Variants in P3H2 observed in about 807,000 individuals in gnomAD.
The protein encoded by P3H2 is prolyl 3-hydroxylase 2, also known as leprecan-like 1.
P3H2 carries 80 observed loss-of-function variants against 87.0 expected under a neutral mutation model. That is an observed-to-expected ratio of 0.92 (90% CI 0.77 to 1.11). The LOEUF (loss-of-function observed/expected upper bound fraction) is 1.11. Ranked by LOEUF, P3H2 falls within the 50% of genes least tolerant of loss-of-function variation. The pLI, the probability that P3H2 is intolerant of heterozygous loss-of-function variation, is 0.00. For synonymous variants in P3H2, 367 were observed against 359.3 expected, an observed-to-expected ratio of 1.02 and a Z score of -0.24; for missense variants, 1,001 against 923.9, an observed-to-expected ratio of 1.08 and a Z score of -1.08.
chr3:190,023,105 T>C (rs553061934), intron 1 of P3H2, among the ~76,000 whole-genome samples: 13 of 152,056 alleles, frequency 8.5e-5, no homozygotes, highest in South Asian at 4.1e-4. Flanking sequence ...GGATTACAGG[T>C]GTGAGCCACC....
At chr3:190,022,294 A>G (rs1478652656) in intron 1 of P3H2, among the ~76,000 whole-genome samples, 4 of 135,576 alleles carry the variant, frequency 3.0e-5, no homozygotes, top group Non-Finnish European at 6.6e-5. Flanking sequence ...AAGAAGTAGT[A>G]GATTTGTAGT....
At chr3:190,066,143 G>GTGTATATATATATATATATA (rs58939026) in intron 1 of P3H2, among the ~76,000 whole-genome samples, 51 of 138,756 alleles carry the variant, frequency 3.7e-4, no homozygotes, top group African/African-American at 1.0e-3. Flanking sequence ...ACTGTGGTGT[G>GTGTATATATATATATATATA]TATATATATA....
At chr3:190,030,226 T>G (rs911042792) in intron 1 of P3H2, among the ~76,000 whole-genome samples, 2 of 151,968 alleles carry the variant, frequency 1.3e-5, no homozygotes, top group African/African-American at 4.8e-5. Flanking sequence ...CATAGCTACA[T>G]GAAAAAAATA....
intron 14 of P3H2, among the ~76,000 whole-genome samples, chr3:189,959,833 C>G (rs1250900519): frequency 6.7e-6 from 1 of 150,308 alleles, no homozygotes; most frequent in East Asian, 2.0e-4. Context: ...CTTCTGTATC[C>G]TGTAACTCTC....
chr3:189,966,114 AAAG>A (rs1178349878), intron 13 of P3H2, among the ~76,000 whole-genome samples: 18 of 107,586 alleles, frequency 1.7e-4, no homozygotes, highest in Non-Finnish European at 2.5e-4. Context: ...AAAAAGAAAG[AAAG>A]AAAGAAAAAG....
intron 8 of P3H2, among the ~76,000 whole-genome samples, chr3:189,980,073 A>C (rs1723483232): frequency 6.6e-6 from 1 of 152,212 alleles, no homozygotes; most frequent in African/African-American, 2.4e-5. Flanking sequence ...CATGGACTGA[A>C]GCCACTGTGG....
chr3:189,958,938 C>T (rs1177778893), intron 14 of P3H2, among the ~76,000 whole-genome samples: 1 of 151,992 alleles, frequency 6.6e-6, no homozygotes, highest in Non-Finnish European at 1.5e-5. Flanking sequence ...ATCCACCCGC[C>T]TCGCCCTCCC....
intron 1 of P3H2, among the ~76,000 whole-genome samples, chr3:190,003,877 C>T (rs1203090437): frequency 1.3e-5 from 2 of 152,196 alleles, no homozygotes; most frequent in East Asian, 3.9e-4. Context: ...CAAGACCTTG[C>T]TGACATTTGT....
intron 1 of P3H2, among the ~76,000 whole-genome samples, chr3:190,111,640 A>G (rs1577329404): frequency 6.6e-6 from 1 of 152,316 alleles, no homozygotes; most frequent in South Asian, 2.1e-4. Context: ...GGAAACTAGC[A>G]TTGGCCCCTC....
At chr3:189,981,584 G>T (rs1723536503) in intron 8 of P3H2, among the ~76,000 whole-genome samples, 2 of 152,148 alleles carry the variant, frequency 1.3e-5, no homozygotes, top group South Asian at 4.1e-4. Context: ...CTGTGGAAAT[G>T]GTAGATTTGT....
At chr3:190,102,210 G>C in intron 1 of P3H2, among the ~76,000 whole-genome samples, 1 of 152,198 alleles carries the variant, frequency 6.6e-6, no homozygotes, top group South Asian at 2.1e-4. Context: ...TCAGCAGCCT[G>C]TAATAGAGGA....
chr3:189,964,041 G>A lies in P3H2; in HGVS notation c.1951C>T (p.Pro651Ser), dbSNP rs759762051. 1 of 1,614,074 alleles carries A rather than the reference G, an allele frequency of 6.2e-7. No individual in the cohort carries two copies. Among genetic ancestry groups the A allele is most frequent in the East Asian group, 2.2e-5 (1 of 44,880 alleles). ...TTGGTGACTGCCTTCACCCCATGAG[G>A]GTTCTCTCCTCCAGATGAGAAGCTG... ...MISFSSGGEN[P>S]HGVKAVTKGK... The change falls in exon 14 of 15, where the codon CCT becomes TCT. Residue 651 changes from proline to serine, a missense_variant. Pro to Ser is a moderately conservative substitution (Grantham distance 74). Transcript: ENST00000319332.
At chr3:189,989,410 T>C (rs1217161418) in intron 3 of P3H2, among the ~76,000 whole-genome samples, 1 of 152,164 alleles carries the variant, frequency 6.6e-6, no homozygotes, top group African/African-American at 2.4e-5. Flanking sequence ...ATATCTTGGA[T>C]GGCTCGAAGT....
intron 1 of P3H2, 49 bp from the exon 2 acceptor site, chr3:189,995,491 A>C: frequency 6.3e-7 from 1 of 1,581,428 alleles, no homozygotes; most frequent in South Asian, 1.1e-5. Context: ...TTTCCAAATC[A>C]CACTCAGAGA....
At chr3:190,103,672 G>A (rs1711721104) in intron 1 of P3H2, among the ~76,000 whole-genome samples, 1 of 152,174 alleles carries the variant, frequency 6.6e-6, no homozygotes, top group Non-Finnish European at 1.5e-5. Flanking sequence ...AGCAGAGGTA[G>A]GAAAGAATAC....
chr3:190,033,757 A>G (rs1277583920), intron 1 of P3H2, among the ~76,000 whole-genome samples: 1 of 152,178 alleles, frequency 6.6e-6, no homozygotes, highest in Non-Finnish European at 1.5e-5. Context: ...TTTAATCCCC[A>G]TGATTTAAGC....
Position 189,971,977 on chromosome 3 carries a change from T to C in P3H2, c.1730A>G (p.His577Arg). 1 of 1,613,368 alleles carries C rather than the reference T, an allele frequency of 6.2e-7. No homozygotes were observed. Among genetic ancestry groups the C allele is most frequent in the South Asian group, 1.1e-5 (1 of 91,060 alleles). Residue 577 changes from histidine (H) to arginine (R), a missense_variant, in exon 12 of 15, where the codon CAT becomes CGT. Coordinates refer to ENST00000319332, the MANE Select transcript of P3H2 (RefSeq NM_018192.4). ...GQQDRRNDLSHPIHADNCLLD... is the reference protein window; with the variant it reads ...GQQDRRNDLSRPIHADNCLLD... ...CAAACAGTTGTCAGCATGGATGGGA[T>C]GACTGAGGTCATTTCTTCTATCCTG...
intron 1 of P3H2, among the ~76,000 whole-genome samples, chr3:190,063,042 C>A (rs1311767975): frequency 6.6e-6 from 1 of 152,094 alleles, no homozygotes; most frequent in Admixed American, 6.6e-5. Flanking sequence ...TTATATAAAG[C>A]TATTCTTCTA....
chr3:189,969,537 T>A (rs2108906707), intron 13 of P3H2: 1 of 1,234,610 alleles, frequency 8.1e-7, no homozygotes, highest in East Asian at 2.3e-5. Flanking sequence ...TGATCAATAA[T>A]GACAATATCG....
Sources: gnomAD v4.1 joint callset for allele counts (sites outside exome capture counted in the v4.1 genomes callset) on GRCh38, gnomAD v4.1.1 for gene constraint, MANE v1.5 for transcripts, NCBI Gene and HGNC (gene_info 2026-07-23, HGNC 2026-07-21) for gene names.